Variants in XYLB observed in about 807,000 individuals in gnomAD.
XYLB encodes xylulose kinase.
In XYLB, 62 loss-of-function variants were observed where a neutral mutation model predicts 78.7. That is an observed-to-expected ratio of 0.79 (90% confidence interval 0.64 to 0.97). The LOEUF (loss-of-function observed/expected upper bound fraction) is 0.97. XYLB is among the 50% of genes least tolerant of loss of function. XYLB has a pLI of 0.00. For synonymous variants in XYLB, 245 were observed against 247.4 expected (o/e 0.99, Z 0.09); for missense variants, 687 against 676.8 (o/e 1.02, Z -0.17).
At chr3:38,398,067 C>G (rs1252965562) in intron 17 of XYLB, among the ~76,000 whole-genome samples, 2 of 151,800 alleles carry the variant, frequency 1.3e-5, no homozygotes, top group African/African-American at 4.8e-5. Context: ...ATCTGCCCAC[C>G]TTGGCCTCCC....
intron 18 of XYLB, among the ~76,000 whole-genome samples, chr3:38,411,208 G>A (rs555519909): frequency 6.6e-6 from 1 of 152,068 alleles, no homozygotes; most frequent in Non-Finnish European, 1.5e-5. Context: ...CCATAAAAAA[G>A]GATGATTTCA....
chr3:38,357,469 C>T (rs964170137), intron 2 of XYLB, among the ~76,000 whole-genome samples: 1 of 151,692 alleles, frequency 6.6e-6, no homozygotes, highest in Non-Finnish European at 1.5e-5. Context: ...TCACTGCAAG[C>T]TCCACCTCCT....
At chr3:38,425,653 C>T (rs1709085459), downstream of XYLB, among the ~76,000 whole-genome samples, 1 of 152,160 alleles carries the variant, frequency 6.6e-6, no homozygotes, top group Non-Finnish European at 1.5e-5. Flanking sequence ...AAAATAATAA[C>T]ATGGGGTAGA....
the XYLB span, among the ~76,000 whole-genome samples, chr3:38,429,183 G>A: frequency 1.3e-5 from 2 of 152,220 alleles, no homozygotes; most frequent in Non-Finnish European, 2.9e-5. Context: ...ATGTGGGCTT[G>A]GCCAAGGCTA....
downstream of XYLB, among the ~76,000 whole-genome samples, chr3:38,424,977 C>T (rs930146523): frequency 3.3e-5 from 5 of 152,176 alleles, no homozygotes; most frequent in African/African-American, 4.8e-5. Context: ...TGGTCTCAAA[C>T]GCAGATACAG....
At chr3:38,361,079 C>T (rs1185461689) in intron 3 of XYLB, among the ~76,000 whole-genome samples, 1 of 152,198 alleles carries the variant, frequency 6.6e-6, no homozygotes, top group Non-Finnish European at 1.5e-5. Flanking sequence ...CCCTTAGGGT[C>T]TTAGTGCTCA....
the XYLB span, chr3:38,451,588 T>A: frequency 6.6e-6 from 1 of 152,348 alleles, no homozygotes; most frequent in Non-Finnish European, 1.5e-5. Context: ...GCCACTGCAC[T>A]CCAGTGAGGG....
At chr3:38,368,824 G>A (rs893133223) in intron 8 of XYLB, among the ~76,000 whole-genome samples, 18 of 138,508 alleles carry the variant, frequency 1.3e-4, no homozygotes, top group Admixed American at 3.9e-4. Flanking sequence ...CCTCACAAGG[G>A]GTGAACACCA....
rs1362447343 is a variant in XYLB at position 38,407,180 on chromosome 3, A to C, written c.1534-5756A>C. On this transcript the variant is annotated intron_variant, in intron 18 of 18. Transcript: ENST00000207870. ...GGGAAGCCCATCAGACTAACAGCGGATCTCTCGGCAGAAACTCTACAAGCC... is the reference window on the plus strand; with the variant it reads ...GGGAAGCCCATCAGACTAACAGCGGCTCTCTCGGCAGAAACTCTACAAGCC... Among the ~76,000 whole-genome samples the C allele has an allele frequency of 6.8e-3, 1,014 of 149,894 alleles. 5 individuals carry two copies. The highest frequency in any genetic ancestry group is 0.024 in the African/African-American group (975 of 40,712).
the XYLB span, among the ~76,000 whole-genome samples, chr3:38,444,061 C>T: frequency 5.3e-5 from 8 of 152,264 alleles, no homozygotes; most frequent in Non-Finnish European, 5.9e-5. Flanking sequence ...TCCAAACTCT[C>T]GGGTTGCAGC....
At chr3:38,365,151 T>C (rs750569832) in intron 4 of XYLB, 48 bp from the exon 5 acceptor site, 1 of 1,579,406 alleles carries the variant, frequency 6.3e-7, no homozygotes, top group Non-Finnish European at 8.7e-7. Context: ...CAGGAGGCTG[T>C]GACACTGGTG....
At chr3:38,423,329 C>G, downstream of XYLB, among the ~76,000 whole-genome samples, 1 of 152,314 alleles carries the variant, frequency 6.6e-6, no homozygotes, top group East Asian at 1.9e-4. Context: ...ACCTTGGCCT[C>G]CCAAAGTGCT....
At chr3:38,390,999 C>T (rs1366671571) in intron 15 of XYLB, among the ~76,000 whole-genome samples, 4 of 152,126 alleles carry the variant, frequency 2.6e-5, no homozygotes, top group African/African-American at 4.8e-5. Flanking sequence ...ACAGGCGGAT[C>T]GCTTGAGGTC....
In XYLB at chr3:38,388,850, T is replaced by A. The variant is rs148187701; in HGVS notation, c.1292-6655T>A. Among the ~76,000 whole-genome samples the A allele has an allele frequency of 8.1e-3, 1,231 of 152,292 alleles. 16 individuals carry two copies. The highest frequency in any genetic ancestry group is 0.027 in the African/African-American group (1,129 of 41,554). On this transcript the variant is annotated intron_variant, in intron 15 of 18. Coordinates refer to ENST00000207870, the MANE Select transcript of XYLB (RefSeq NM_005108.4). Reference sequence around the variant, plus strand: ...AGAGGACTATTTTGGGACTCTACAGTGTACCTCTTTAATGAGAACACCCAC... The same window carrying A: ...AGAGGACTATTTTGGGACTCTACAGAGTACCTCTTTAATGAGAACACCCAC...
chr3:38,398,060 T>C (rs978866354), intron 17 of XYLB, among the ~76,000 whole-genome samples: 5 of 151,750 alleles, frequency 3.3e-5, no homozygotes, highest in East Asian at 2.0e-4. Context: ...CTTTGTGATC[T>C]GCCCACCTTG....
intron 17 of XYLB, among the ~76,000 whole-genome samples, chr3:38,399,102 G>GGTTTT (rs566319798): frequency 3.3e-5 from 5 of 152,006 alleles, no homozygotes; most frequent in Admixed American, 6.6e-5. Flanking sequence ...TCTATGCTGA[G>GGTTTT]GTTTTGTTTT....
intron 14 of XYLB, 62 bp downstream of exon 14, chr3:38,377,053 T>C (rs1197641154): frequency 2.9e-5 from 41 of 1,397,874 alleles, no homozygotes; most frequent in Non-Finnish European, 3.9e-5. Context: ...AATTTAACAA[T>C]TGCCTATCAA....
downstream of XYLB, among the ~76,000 whole-genome samples, chr3:38,416,848 C>T (rs902092263): frequency 1.3e-5 from 2 of 152,170 alleles, no homozygotes; most frequent in African/African-American, 2.4e-5. Context: ...CCTGCCTATC[C>T]CCTGTACAAC....
chr3:38,377,367 G>A (rs946482029), intron 14 of XYLB, among the ~76,000 whole-genome samples: 1 of 151,918 alleles, frequency 6.6e-6, no homozygotes, highest in Non-Finnish European at 1.5e-5. Context: ...AGCCCAGGAG[G>A]TACTAACGTT....
Sources: allele counts gnomAD v4.1 joint callset (sites outside exome capture counted in the v4.1 genomes callset), GRCh38; gene constraint gnomAD v4.1.1; transcripts MANE v1.5; gene names NCBI Gene and HGNC (gene_info 2026-07-23, HGNC 2026-07-21).